The following BMPR1B variants were observed in gnomAD, a reference collection of about 807,000 sequenced individuals.
BMPR1B encodes the protein bone morphogenetic protein receptor type 1B.
BMPR1B carries 12 observed loss-of-function variants against 59.1 expected under a neutral mutation model. The ratio of observed to expected loss-of-function variants is 0.20; its 90% CI spans 0.13 to 0.33. BMPR1B has a LOEUF of 0.33. Ranked by LOEUF, BMPR1B falls within the 10% of genes least tolerant of loss-of-function variation. BMPR1B has a pLI of 1.00. For missense variants in BMPR1B, 550 were observed against 610.9 expected (o/e 0.90, Z 1.05); for synonymous variants, 237 against 207.3 (o/e 1.14, Z -1.23).
At chr4:94,980,053 A>T (rs934993056) in intron 2 of BMPR1B, among the ~76,000 whole-genome samples, 1 of 152,172 alleles carries the variant, frequency 6.6e-6, no homozygotes, top group Non-Finnish European at 1.5e-5. Context: ...CTGTCAGGAG[A>T]CGATCTTCCC....
intron 1 of BMPR1B, among the ~76,000 whole-genome samples, chr4:94,792,965 A>G (rs1194247041): frequency 2.6e-5 from 4 of 151,960 alleles, no homozygotes; most frequent in African/African-American, 9.7e-5. Context: ...GAGGAAAAAT[A>G]TGGTATAATG....
intron 1 of BMPR1B, among the ~76,000 whole-genome samples, chr4:94,787,675 C>G (rs1029828887): frequency 6.6e-6 from 1 of 152,110 alleles, no homozygotes; most frequent in Admixed American, 6.6e-5. Flanking sequence ...AGAATGGCTC[C>G]CATGTTATGT....
At chr4:95,040,564 TA>T (rs1308288300) in intron 3 of BMPR1B, among the ~76,000 whole-genome samples, 1 of 152,210 alleles carries the variant, frequency 6.6e-6, no homozygotes, top group East Asian at 1.9e-4. Flanking sequence ...GCTTTAGCAC[TA>T]ATTTGGTAAA....
intron 1 of BMPR1B, among the ~76,000 whole-genome samples, chr4:94,830,356 G>A (rs760807776): frequency 1.2e-4 from 18 of 152,072 alleles, no homozygotes; most frequent in Admixed American, 3.3e-4. Flanking sequence ...GCTATACTTT[G>A]TATTTATAAA....
chr4:94,902,713 CTT>C (rs1727880352), intron 2 of BMPR1B, among the ~76,000 whole-genome samples: 4 of 151,880 alleles, frequency 2.6e-5, no homozygotes, highest in Admixed American at 2.6e-4. Context: ...TTTCATATCT[CTT>C]TGAATATATT....
At chr4:94,959,226 G>A (rs1193929678) in intron 2 of BMPR1B, among the ~76,000 whole-genome samples, 1 of 152,104 alleles carries the variant, frequency 6.6e-6, no homozygotes, top group African/African-American at 2.4e-5. Context: ...TAAAAAGTAA[G>A]CATTCATTTA....
intron 1 of BMPR1B, among the ~76,000 whole-genome samples, chr4:94,865,198 G>A (rs1387665523): frequency 6.6e-6 from 1 of 151,856 alleles, no homozygotes. Context: ...CAGTAGAGAT[G>A]GAGTTACACT....
intron 1 of BMPR1B, among the ~76,000 whole-genome samples, chr4:94,849,786 G>GT (rs1321616876): frequency 3.9e-5 from 5 of 128,330 alleles, no homozygotes; most frequent in Non-Finnish European, 8.1e-5. Flanking sequence ...GGTAGGAGGG[G>GT]TTTTTTGGTG....
chr4:94,961,309 A>G (rs1042116999), intron 2 of BMPR1B, among the ~76,000 whole-genome samples: 7 of 152,130 alleles, frequency 4.6e-5, no homozygotes, highest in Non-Finnish European at 7.4e-5. Flanking sequence ...GTCTAGGACA[A>G]TGGCCGTTTT....
At chr4:94,956,705 T>G (rs762241734) in intron 2 of BMPR1B, among the ~76,000 whole-genome samples, 1 of 152,206 alleles carries the variant, frequency 6.6e-6, no homozygotes, top group Non-Finnish European at 1.5e-5. Flanking sequence ...CTTTATAATA[T>G]GAATTATGGA....
At position 95,156,703 on chromosome 4, in the gene BMPR1B, G is replaced by C. The variant is rs1355445805; in HGVS notation, c.*2030G>C. The C allele has an allele frequency of 6.6e-6, 1 of 151,888 alleles. No individual in the cohort carries two copies. Among genetic ancestry groups the C allele is most frequent in the Non-Finnish European group, 1.5e-5 (1 of 67,940 alleles). The allele number at this position is 151,888 out of a possible 1,614,324, so 9.4% of individuals were successfully genotyped here. ...AAGAGTGAAAACAGTTAGAAAACAA[G>C]TAGAACTGTAATCAGAACGCTGCTT... On this transcript the variant is annotated 3_prime_UTR_variant, in exon 13 of 13. Coordinates refer to ENST00000515059, the MANE Select transcript of BMPR1B (RefSeq NM_001203.3).
chr4:95,075,318 A>G (rs1360585899), intron 3 of BMPR1B, among the ~76,000 whole-genome samples: 1 of 152,122 alleles, frequency 6.6e-6, no homozygotes, highest in Non-Finnish European at 1.5e-5. Flanking sequence ...ATTATTTTCT[A>G]TTGGAAAGTG....
chr4:95,081,222 A>G (rs1263935636), intron 3 of BMPR1B, among the ~76,000 whole-genome samples: 1 of 152,094 alleles, frequency 6.6e-6, no homozygotes, highest in African/African-American at 2.4e-5. Context: ...GCCATGCTCA[A>G]CTGTGAGTCA....
chr4:94,776,699 A>T (rs1045377798), intron 1 of BMPR1B, among the ~76,000 whole-genome samples: 2 of 152,220 alleles, frequency 1.3e-5, no homozygotes, highest in Admixed American at 6.5e-5. Context: ...TAGAAAACAA[A>T]ACTTGTAATA....
chr4:94,855,854 G>C (rs1725734762), intron 1 of BMPR1B, among the ~76,000 whole-genome samples: 1 of 152,162 alleles, frequency 6.6e-6, no homozygotes, highest in South Asian at 2.1e-4. Context: ...TTAAATTTTA[G>C]AGAGGTCTGA....
intron 2 of BMPR1B, among the ~76,000 whole-genome samples, chr4:94,897,457 A>G (rs1384217022): frequency 1.3e-5 from 2 of 152,028 alleles, no homozygotes; most frequent in Non-Finnish European, 2.9e-5. Context: ...TGCATCTGCC[A>G]ATTACCCTTT....
At chr4:95,100,689 T>G (rs1730756005) in intron 3 of BMPR1B, among the ~76,000 whole-genome samples, 1 of 152,176 alleles carries the variant, frequency 6.6e-6, no homozygotes, top group African/African-American at 2.4e-5. Context: ...ATGTTAAATC[T>G]GGATTCATGC....
chr4:94,991,412 T>A (rs570266505), intron 2 of BMPR1B, among the ~76,000 whole-genome samples: 1 of 152,332 alleles, frequency 6.6e-6, no homozygotes, highest in Non-Finnish European at 1.5e-5. Context: ...GGACTTGAAG[T>A]CTATGCTGTT....
At chr4:94,777,530 G>GA (rs1158171356) in intron 1 of BMPR1B, among the ~76,000 whole-genome samples, 1 of 151,878 alleles carries the variant, frequency 6.6e-6, no homozygotes, top group African/African-American at 2.4e-5. Context: ...TGATTTAAAG[G>GA]AAAAAAGCTA....
Sources: allele counts gnomAD v4.1 joint callset (sites outside exome capture counted in the v4.1 genomes callset), GRCh38; gene constraint gnomAD v4.1.1; transcripts MANE v1.5; gene names NCBI Gene and HGNC (gene_info 2026-07-23, HGNC 2026-07-21).